The following RPL3 variants were observed in gnomAD, a reference collection of about 807,000 sequenced individuals.
RPL3 encodes the protein large ribosomal subunit protein uL3.
A neutral mutation model predicts 46.0 loss-of-function variants in RPL3; 3 were observed. The ratio of observed to expected loss-of-function variants is 0.07; its 90% CI spans 0.03 to 0.17. The LOEUF is 0.17. Ranked by LOEUF, RPL3 falls within the 10% of genes least tolerant of loss-of-function variation. The probability of loss-of-function intolerance (pLI) is 1.00; values close to 1 mark genes in which losing one functional copy is unlikely to be tolerated. For synonymous variants in RPL3, 224 were observed against 190.8 expected (o/e 1.17, Z -1.43); for missense variants, 387 against 532.7 (o/e 0.73, Z 2.69).
At position 39,319,598 on chromosome 22, in the gene RPL3, C is replaced by T. The variant is rs761596467; in HGVS notation, c.-1G>A. ...CGGCCGCCATTACAACACATACCATCACGCCATCAAATCCCGCCGGTAGAG... is the reference window on the plus strand; with the variant it reads ...CGGCCGCCATTACAACACATACCATTACGCCATCAAATCCCGCCGGTAGAG... On this transcript the variant is annotated 5_prime_UTR_variant, in exon 1 of 10. Transcript: ENST00000216146. 5 of 1,555,718 alleles carry T rather than the reference C, an allele frequency of 3.2e-6. No homozygotes were observed. Among genetic ancestry groups the T allele is most frequent in the Middle Eastern group, 1.7e-4 (1 of 5,998 alleles).
In RPL3 at chr22:39,318,970, G is replaced by A. The variant is rs1489469474; in HGVS notation, c.4-378C>T. The A allele has an allele frequency of 2.2e-5, 12 of 534,532 alleles. 1 individual carries two copies. Among genetic ancestry groups the A allele is most frequent in the South Asian group, 1.7e-4 (12 of 71,236 alleles). 33.1% of individuals were successfully genotyped at this position (534,532 alleles called of 1,614,324 possible). A position where few individuals can be genotyped will look rare whatever the true frequency, so the allele number is the denominator to read the frequency against. On this transcript the variant is annotated intron_variant, in intron 1 of 9. Coordinates refer to ENST00000216146, the MANE Select transcript of RPL3 (RefSeq NM_000967.4). ...CGGGACAAACGCTGGGTAGCAGCTA[G>A]CAATGTTAAGCTATAGGCTGCCTCC...
At chr22:39,313,062 TCTGGGCCAGTCTCC>T in intron 9 of RPL3, 78 bp from the exon 10 acceptor site, 1 of 1,607,848 alleles carries the variant, frequency 6.2e-7, no homozygotes, top group Non-Finnish European at 8.5e-7. Context: ...AGACCAAGAC[TCTGGGCCAGTCTCC>T]ACAGCCACAA....
In RPL3 at chr22:39,315,549, G is replaced by A. The variant is rs1181283127; in HGVS notation, c.508C>T (p.Leu170=). 1.2e-6 allele frequency: 2 copies of A among 1,614,016 alleles called. No homozygotes were observed. The highest frequency in any genetic ancestry group is 1.7e-6 in the Non-Finnish European group (2 of 1,180,038). ...GCCTTCTTCTGGCGCAGAGGAAGCA[G>A]GCGCATCTAGGAGAAGGTAGACACA... The part of the protein sequence containing the change: ...IRVIAHTQMR[L]LPLRQKKAHL... The change falls in exon 5 of 10, where the codon CTG becomes TTG. Residue 170 remains leucine (L), a synonymous_variant. Coordinates refer to ENST00000216146, the MANE Select transcript of RPL3 (RefSeq NM_000967.4).
chr22:39,318,121 T>A, intron 2 of RPL3: 1 of 430,738 alleles, frequency 2.3e-6, no homozygotes, highest in Non-Finnish European at 4.2e-6. Context: ...CCCCCCACAC[T>A]AGTGTTAACT....
chr22:39,313,756 A>G, intron 7 of RPL3, 27 bp from the exon 8 acceptor site: 1 of 1,606,042 alleles, frequency 6.2e-7, no homozygotes, highest in Non-Finnish European at 8.5e-7. Flanking sequence ...GGATCAGCAC[A>G]GGCCCAGGAG....
chr22:39,317,555 C>T lies in RPL3; in HGVS notation c.271G>A (p.Gly91Ser). ...TPPMVVVGIVGYVETPRGLRT... is the reference protein window; with the variant it reads ...TPPMVVVGIVSYVETPRGLRT... ...AGGCCTCGAGGGGTTTCCACGTAGC[C>T]CACAATGCCCACAACCACCATGGGT... The change falls in exon 3 of 10, where the codon GGC (glycine) becomes AGC (serine). Residue 91 changes from glycine to serine, a missense_variant. Coordinates refer to ENST00000216146, the MANE Select transcript of RPL3 (RefSeq NM_000967.4). 6.2e-7 allele frequency: 1 copy of T among 1,613,952 alleles called. No homozygotes were observed. The highest frequency in any genetic ancestry group is 8.5e-7 in the Non-Finnish European group (1 of 1,179,860).
intron 4 of RPL3, 82 bp from the exon 5 acceptor site, chr22:39,315,637 T>C (rs919537320): frequency 1.2e-5 from 18 of 1,531,114 alleles, no homozygotes; most frequent in Middle Eastern, 3.4e-4. Context: ...TGCGGCCTGA[T>C]TGATGTCAAG....
At chr22:39,313,403 G>A (rs921525627) in intron 8 of RPL3, 93 bp from the exon 9 acceptor site, 20 of 1,560,956 alleles carry the variant, frequency 1.3e-5, no homozygotes, top group Non-Finnish European at 1.7e-5. Context: ...GAAGCCACAC[G>A]ATCAATTCAG....
chr22:39,313,721 A>G lies in RPL3; in HGVS notation c.960T>C (p.Phe320=). Residue 320 remains phenylalanine, a synonymous_variant, in exon 8 of 10, where the codon TTT becomes TTC. Transcript: ENST00000216146. ...CATTGGTCACTTCACCATAGTGGAC[A>G]AAGCCACCCTGGAAAACGAGCATCG... ...SDKSINPLGG[F]VHYGEVTNDF... 6.2e-7 allele frequency: 1 copy of G among 1,614,056 alleles called. No individual in the cohort carries two copies. Among genetic ancestry groups the G allele is most frequent in the Non-Finnish European group, 8.5e-7 (1 of 1,179,988 alleles).
At chr22:39,316,933 G>A (rs778632492) in intron 3 of RPL3, 92 bp from the exon 4 acceptor site, 3 of 1,594,662 alleles carry the variant, frequency 1.9e-6, no homozygotes, top group South Asian at 1.1e-5. Flanking sequence ...GGCACCGCGT[G>A]GGGATGGAGC....
chr22:39,313,662 G>C lies in RPL3; in HGVS notation c.1019C>G (p.Thr340Ser), dbSNP rs541265834. The C allele has an allele frequency of 6.2e-7, 1 of 1,613,976 alleles. No homozygotes were observed. Among genetic ancestry groups the C allele is most frequent in the Admixed American group, 1.7e-5 (1 of 60,018 alleles). Residue 340 changes from threonine (T) to serine (S), a missense_variant, in exon 8 of 10, where the codon ACC becomes AGC. This residue lies in a region of RPL3 where 131 missense variants were observed against 185.1 expected (regional missense o/e 0.71). Transcript: ENST00000216146. ...FVMLKGCVVG[T>S]KKRVLTLRKS... ...GCGGAGGGTGAGCACCCGCTTCTTG[G>C]TTCCCACCACACAGCCTTTCAGCAT...
intron 3 of RPL3, chr22:39,317,139 C>A: frequency 1.7e-6 from 1 of 582,958 alleles, no homozygotes; most frequent in Non-Finnish European, 3.1e-6. Context: ...ATGGGACATT[C>A]CACCCAGGGC....
chr22:39,313,609 C>T (rs745499374), intron 8 of RPL3, 25 bp downstream of exon 8: 10 of 1,606,468 alleles, frequency 6.2e-6, no homozygotes, highest in Non-Finnish European at 8.5e-6. Context: ...AGAGCCCCCC[C>T]ATGACAAGTC....
chr22:39,314,463 C>T (rs1469264299), intron 6 of RPL3: 1 of 641,220 alleles, frequency 1.6e-6, no homozygotes. Context: ...ACCAATAAGA[C>T]TAGTATCCCC....
intron 2 of RPL3, 75 bp from the exon 3 acceptor site, chr22:39,317,704 A>G (rs1922792812): frequency 6.4e-7 from 1 of 1,568,664 alleles, no homozygotes; most frequent in Non-Finnish European, 8.7e-7. Flanking sequence ...GAAAATGCAA[A>G]GTGCCCATTT....
Sources: gnomAD v4.1 joint callset for allele counts on GRCh38, gnomAD v4.1.1 for gene constraint, gnomAD v4.1.1 regional missense constraint, MANE v1.5 for transcripts, NCBI Gene and HGNC (gene_info 2026-07-23, HGNC 2026-07-21) for gene names.